RAB8B: variants seen among roughly 807,000 people sequenced by gnomAD.
The protein encoded by RAB8B is RAB8B, member RAS oncogene family.
RAB8B carries 11 observed loss-of-function variants against 32.0 expected under a neutral mutation model. That is an observed-to-expected ratio of 0.34 (90% confidence interval 0.22 to 0.57). RAB8B has a LOEUF of 0.57. RAB8B is among the 20% of genes least tolerant of loss of function. The pLI is 0.86. For missense variants in RAB8B, 190 were observed against 258.5 expected (o/e 0.73, Z 1.82); for synonymous variants, 103 against 89.6 (o/e 1.15, Z -0.85).
rs556490297 is a variant in RAB8B at position 63,240,437 on chromosome 15, A to G, written c.125-4319A>G. ...TGTCAACCTTTTTTTATGGATGAGGATATATAGGTTCAGAGCAGTCAAGCA... is the reference window on the plus strand; with the variant it reads ...TGTCAACCTTTTTTTATGGATGAGGGTATATAGGTTCAGAGCAGTCAAGCA... On this transcript the variant is annotated intron_variant, in intron 1 of 7. Coordinates refer to ENST00000321437, the MANE Select transcript of RAB8B (RefSeq NM_016530.3). Among the ~76,000 whole-genome samples, 7 of 152,232 alleles carry G rather than the reference A, an allele frequency of 4.6e-5. No homozygotes were observed. The South Asian group carries it at 1.5e-3, about 32-fold the overall frequency.
In RAB8B at chr15:63,210,695, C is replaced by T. The variant is rs1042075265; in HGVS notation, c.124+20947C>T. On this transcript the variant is annotated intron_variant, in intron 1 of 7. Transcript: ENST00000321437. ...CCTGAAAGGAGTAGGAAGTATGTGC[C>T]GTGGCCTCCCGCTGTCTTTTCTATT... 8.5e-5 allele frequency among the ~76,000 whole-genome samples: 13 copies of T among 152,140 alleles called. 1 individual carries two copies. The highest frequency in any genetic ancestry group is 1.2e-4 in the African/African-American group (5 of 41,426).
intron 1 of RAB8B, chr15:63,223,850 C>A: frequency 2.3e-6 from 1 of 430,266 alleles, no homozygotes. Flanking sequence ...TTCTATAGTG[C>A]GGCCTCACAT....
intron 1 of RAB8B, among the ~76,000 whole-genome samples, chr15:63,234,927 A>C (rs1341647355): frequency 1.3e-5 from 2 of 152,068 alleles, no homozygotes; most frequent in Non-Finnish European, 2.9e-5. Context: ...TCCAAGTCAA[A>C]ACTCCTTTTC....
At position 63,259,666 on chromosome 15, in the gene RAB8B, G is replaced by A. The variant is rs2038187665; in HGVS notation, c.454G>A (p.Ala152Thr). Reference sequence around the variant, plus strand: ...TGGGATTAAATTCTTGGAGACAAGCGCAAAATCCAGTGCAAATGTAGAAGA... The same window carrying A: ...TGGGATTAAATTCTTGGAGACAAGCACAAAATCCAGTGCAAATGTAGAAGA... ...DYGIKFLETSAKSSANVEEAF... is the reference protein window; with the variant it reads ...DYGIKFLETSTKSSANVEEAF... Residue 152 changes from alanine to threonine, a missense_variant, in exon 6 of 8, where the codon GCA (alanine) becomes ACA (threonine). Physicochemically the swap from Ala to Thr is moderately conservative, Grantham distance 58. Around this residue, in one of 2 missense-constraint regions of RAB8B, gnomAD observed 110 missense variants for 115.9 expected, o/e 0.95. Transcript: ENST00000321437. The surrounding 1 kb of genome is among the most constrained non-coding windows in gnomAD (Gnocchi z 4.4). 2.5e-6 allele frequency: 4 copies of A among 1,613,850 alleles called. No individual in the cohort carries two copies. Among genetic ancestry groups the A allele is most frequent in the South Asian group, 1.1e-5 (1 of 91,074 alleles).
intron 1 of RAB8B, among the ~76,000 whole-genome samples, chr15:63,204,125 G>A (rs368842257): frequency 3.9e-5 from 6 of 152,204 alleles, no homozygotes; most frequent in East Asian, 1.9e-4. Context: ...GCACCTGTTA[G>A]CATGAGTTCC....
At chr15:63,246,649 A>G (rs2038074856) in intron 2 of RAB8B, among the ~76,000 whole-genome samples, 1 of 152,098 alleles carries the variant, frequency 6.6e-6, no homozygotes. Flanking sequence ...AAGCTCTCCA[A>G]ACCCAGTCCT....
intron 1 of RAB8B, among the ~76,000 whole-genome samples, chr15:63,220,060 CA>C (rs2037830910): frequency 6.6e-6 from 1 of 152,154 alleles, no homozygotes; most frequent in African/African-American, 2.4e-5. Flanking sequence ...ACTTTCTAAC[CA>C]ATATGAAATA....
chr15:63,196,291 A>G (rs774455087), intron 1 of RAB8B, among the ~76,000 whole-genome samples: 2 of 152,234 alleles, frequency 1.3e-5, no homozygotes, highest in Non-Finnish European at 1.5e-5. Context: ...TGGTTACAGT[A>G]CTTTAAAATA....
At chr15:63,252,638 C>T (rs1249844657) in intron 3 of RAB8B, among the ~76,000 whole-genome samples, 1 of 152,132 alleles carries the variant, frequency 6.6e-6, no homozygotes, top group Non-Finnish European at 1.5e-5. Context: ...AAACACATTG[C>T]ATCAGGAATT....
At chr15:63,218,734 A>G (rs548547951) in intron 1 of RAB8B, among the ~76,000 whole-genome samples, 1 of 152,196 alleles carries the variant, frequency 6.6e-6, no homozygotes, top group Non-Finnish European at 1.5e-5. Flanking sequence ...CAGGTGATAC[A>G]GGAATTCCCG....
chr15:63,238,953 G>A, intron 1 of RAB8B, among the ~76,000 whole-genome samples: 1 of 152,138 alleles, frequency 6.6e-6, no homozygotes, highest in Admixed American at 6.5e-5. Context: ...TCTCACTTTT[G>A]AGAGGAAGAG....
chr15:63,253,481 T>A (rs1321842860), intron 3 of RAB8B, among the ~76,000 whole-genome samples: 1 of 152,130 alleles, frequency 6.6e-6, no homozygotes, highest in African/African-American at 2.4e-5. Flanking sequence ...GAAGTGATAG[T>A]TCTAGTACCC....
intron 1 of RAB8B, among the ~76,000 whole-genome samples, chr15:63,208,258 T>C (rs528404717): frequency 6.6e-6 from 1 of 152,318 alleles, no homozygotes; most frequent in African/African-American, 2.4e-5. Context: ...GGGTGGACTG[T>C]GGCCACATTT....
At chr15:63,256,884 C>A (rs965732891) in intron 5 of RAB8B, among the ~76,000 whole-genome samples, 1 of 152,188 alleles carries the variant, frequency 6.6e-6, no homozygotes, top group African/African-American at 2.4e-5. Flanking sequence ...CAGGCTGTTT[C>A]TTCCAGATCT....
intron 1 of RAB8B, among the ~76,000 whole-genome samples, chr15:63,209,790 G>A (rs2037732465): frequency 1.3e-5 from 2 of 151,198 alleles, no homozygotes; most frequent in African/African-American, 4.9e-5. Context: ...TGGGATACAT[G>A]TGCAGAATGT....
intron 6 of RAB8B, among the ~76,000 whole-genome samples, chr15:63,260,258 T>G (rs1435972943): frequency 3.3e-5 from 5 of 152,226 alleles, no homozygotes; most frequent in African/African-American, 4.8e-5. Flanking sequence ...GCCCTTTTTT[T>G]GGGCAGCTGG....
At chr15:63,212,887 A>G (rs2037759831) in intron 1 of RAB8B, among the ~76,000 whole-genome samples, 1 of 152,252 alleles carries the variant, frequency 6.6e-6, no homozygotes, top group Admixed American at 6.5e-5. Context: ...AATGAGAACC[A>G]TGATATAATT....
At chr15:63,223,363 C>G (rs966456918) in intron 1 of RAB8B, among the ~76,000 whole-genome samples, 2 of 151,970 alleles carry the variant, frequency 1.3e-5, no homozygotes, top group Non-Finnish European at 2.9e-5. Flanking sequence ...CCACTTGCCT[C>G]GGCCCCAAAG....
chr15:63,232,636 T>G (rs2037944694), intron 1 of RAB8B, among the ~76,000 whole-genome samples: 1 of 152,224 alleles, frequency 6.6e-6, no homozygotes, highest in Non-Finnish European at 1.5e-5. Context: ...CCACTTCCTA[T>G]TCATAGGATG....
Sources: allele counts gnomAD v4.1 joint callset (sites outside exome capture counted in the v4.1 genomes callset), GRCh38; gene constraint gnomAD v4.1.1; regional missense constraint gnomAD v4.1.1; non-coding constraint Gnocchi (gnomAD v3.1); transcripts MANE v1.5; gene names NCBI Gene and HGNC (gene_info 2026-07-23, HGNC 2026-07-21).